The following DIAPH2 variants were observed in gnomAD, a reference collection of about 807,000 sequenced individuals.
The protein encoded by DIAPH2 is protein diaphanous homolog 2.
In DIAPH2, 35 loss-of-function variants were observed where a neutral mutation model predicts 92.7. That is an observed-to-expected ratio of 0.38 (90% CI 0.29 to 0.50). The LOEUF (loss-of-function observed/expected upper bound fraction) is 0.50, where lower values mean the gene tolerates loss of function less well. DIAPH2 is among the 20% of genes least tolerant of loss of function. The pLI is 0.94. For synonymous variants in DIAPH2, 301 were observed against 280.4 expected, an observed-to-expected ratio of 1.07 and a Z score of -0.73; for missense variants, 701 against 819.5, an observed-to-expected ratio of 0.86 and a Z score of 1.77.
intron 25 of DIAPH2, among the ~76,000 whole-genome samples, chrX:97,425,469 T>C (rs1384695607): frequency 2.7e-5 from 3 of 111,566 alleles, no homozygotes; most frequent in African/African-American, 9.8e-5. Context: ...CATTCCACAA[T>C]GTTTACATAT....
chrX:97,073,297 C>T (rs2066682021), intron 18 of DIAPH2, among the ~76,000 whole-genome samples: 1 of 111,625 alleles, frequency 9.0e-6, no homozygotes, highest in African/African-American at 3.3e-5. Context: ...TAATAAAACA[C>T]TGTTGGAGGA....
At chrX:97,151,712 T>A (rs1160453067) in intron 22 of DIAPH2, among the ~76,000 whole-genome samples, 1 of 111,812 alleles carries the variant, frequency 8.9e-6, no homozygotes, top group Non-Finnish European at 1.9e-5. Flanking sequence ...ATTTTTATTA[T>A]TTTATCTTTG....
chrX:96,927,305 A>C (rs1469457933), intron 9 of DIAPH2, among the ~76,000 whole-genome samples: 1 of 75,552 alleles, frequency 1.3e-5, no homozygotes, highest in African/African-American at 5.3e-5. Flanking sequence ...TTTTTTTTGG[A>C]AAGCAGATTG....
intron 3 of DIAPH2, among the ~76,000 whole-genome samples, chrX:96,741,422 C>T (rs908327339): frequency 4.6e-5 from 5 of 108,935 alleles, no homozygotes; most frequent in Non-Finnish European, 9.5e-5. Context: ...TCAATGTCAC[C>T]AGATATCTTC....
intron 23 of DIAPH2, among the ~76,000 whole-genome samples, chrX:97,274,056 T>G (rs143787430): frequency 0.017 from 1,616 of 97,231 alleles, 27 homozygotes; most frequent in African/African-American, 0.057. Flanking sequence ...TGTGTGTGTA[T>G]AGAGAGAGAG....
At chrX:96,893,069 A>G (rs936494257) in intron 5 of DIAPH2, among the ~76,000 whole-genome samples, 1 of 112,062 alleles carries the variant, frequency 8.9e-6, no homozygotes, top group Non-Finnish European at 1.9e-5. Context: ...TTCGAGTTAT[A>G]TGAACTAATT....
intron 26 of DIAPH2, chrX:97,441,931 C>G (rs1195689005): frequency 1.8e-5 from 2 of 113,374 alleles, no homozygotes; most frequent in Non-Finnish European, 3.7e-5. Context: ...GCTATGTAGT[C>G]TATCCTTGAT....
chrX:97,317,795 C>T lies in DIAPH2; in HGVS notation c.2845-30321C>T, dbSNP rs945361814. Among the ~76,000 whole-genome samples the T allele has an allele frequency of 3.6e-5, 4 of 111,723 alleles. No individual in the cohort carries two copies. In the South Asian group the frequency reaches 1.1e-3, roughly 32 times the overall value. ...GGAGCCAGTGTATCCTGACCTTGTC[C>T]GTGATTGTAATCACCGTAACTTGAT... On this transcript the variant is annotated intron_variant, in intron 23 of 26. Transcript: ENST00000324765.
chrX:97,596,070 A>G (rs1304135908), intron 26 of DIAPH2, among the ~76,000 whole-genome samples: 4 of 112,297 alleles, frequency 3.6e-5, no homozygotes, highest in Non-Finnish European at 7.5e-5. Flanking sequence ...AGAATCTGTT[A>G]GCGCATGCAT....
At chrX:96,960,825 C>A (rs2065842474) in intron 16 of DIAPH2, among the ~76,000 whole-genome samples, 1 of 112,158 alleles carries the variant, frequency 8.9e-6, no homozygotes, top group Non-Finnish European at 1.9e-5. Flanking sequence ...TACATTTTAT[C>A]AAATGCTTTT....
At chrX:96,727,919 A>C (rs1201790165) in intron 1 of DIAPH2, among the ~76,000 whole-genome samples, 1 of 108,007 alleles carries the variant, frequency 9.3e-6, no homozygotes, top group Non-Finnish European at 1.9e-5. Flanking sequence ...GATGGCGGGC[A>C]CCTGTATCCA....
intron 18 of DIAPH2, among the ~76,000 whole-genome samples, chrX:97,074,151 A>C (rs1314610771): frequency 8.9e-6 from 1 of 112,305 alleles, no homozygotes; most frequent in African/African-American, 3.2e-5. Context: ...TCACGCCTAT[A>C]ATCTCAGCAC....
At chrX:97,077,193 G>A (rs1281475494) in intron 19 of DIAPH2, among the ~76,000 whole-genome samples, 1 of 111,433 alleles carries the variant, frequency 9.0e-6, no homozygotes, top group East Asian at 2.8e-4. Context: ...TAAGGAGGAT[G>A]GATGCTCCTG....
At chrX:97,091,484 C>A (rs759573710) in intron 19 of DIAPH2, among the ~76,000 whole-genome samples, 88 of 110,701 alleles carry the variant, frequency 7.9e-4, no homozygotes, top group African/African-American at 2.6e-3. Flanking sequence ...CTGTGTTGCC[C>A]AGGCTTGTCT....
intron 26 of DIAPH2, among the ~76,000 whole-genome samples, chrX:97,456,542 CATGT>C (rs1389960248): frequency 9.0e-6 from 1 of 111,240 alleles, no homozygotes; most frequent in African/African-American, 3.3e-5. Context: ...ATTTGTGTAC[CATGT>C]ATGAATTTGC....
intron 26 of DIAPH2, among the ~76,000 whole-genome samples, chrX:97,442,294 G>T (rs2070267881): frequency 8.9e-6 from 1 of 112,636 alleles, no homozygotes; most frequent in Non-Finnish European, 1.9e-5. Context: ...GCTAATGTTG[G>T]TAGCTAAGCT....
rs1013036943 is a variant in DIAPH2 at position 96,854,109 on chromosome X, T to C, written c.448-27470T>C. ...AGGTACTAGAGTATTGGTAAAATGC[T>C]ATTTACCCCTATATTCTTACTCATT... On this transcript the variant is annotated intron_variant, in intron 4 of 26. Coordinates refer to ENST00000324765, the MANE Select transcript of DIAPH2 (RefSeq NM_006729.5). Among the ~76,000 whole-genome samples the C allele has an allele frequency of 3.6e-5, 4 of 111,561 alleles. 1 individual carries two copies. The highest frequency in any genetic ancestry group is 1.9e-4 in the Admixed American group (2 of 10,485).
intron 3 of DIAPH2, among the ~76,000 whole-genome samples, chrX:96,749,145 A>ATATATATAT (rs1556122921): frequency 2.5e-5 from 2 of 79,806 alleles, no homozygotes; most frequent in African/African-American, 5.1e-5. Context: ...AAAAAAAAAA[A>ATATATATAT]ATATATATAT....
intron 22 of DIAPH2, among the ~76,000 whole-genome samples, chrX:97,216,689 A>G (rs1316817514): frequency 9.0e-6 from 1 of 111,722 alleles, no homozygotes; most frequent in East Asian, 2.8e-4. Flanking sequence ...TAACATTTGT[A>G]TGATCCTGAC....
Sources: gnomAD v4.1 joint callset for allele counts (sites outside exome capture counted in the v4.1 genomes callset) on GRCh38, gnomAD v4.1.1 for gene constraint, MANE v1.5 for transcripts, NCBI Gene and HGNC (gene_info 2026-07-23, HGNC 2026-07-21) for gene names.